The following EXD3 variants were observed in gnomAD, a reference collection of about 807,000 sequenced individuals.
The protein encoded by EXD3 is exonuclease 3'-5' domain containing 3.
A neutral mutation model predicts 98.0 loss-of-function variants in EXD3; 92 were observed. The observed-to-expected ratio is 0.94, with a 90% CI of 0.79 to 1.12. The LOEUF is 1.12. Ranked by LOEUF, EXD3 falls within the 50% of genes most tolerant of loss-of-function variation. The probability of loss-of-function intolerance (pLI) is 0.00; values close to 1 mark genes in which losing one functional copy is unlikely to be tolerated. For synonymous variants in EXD3, 569 were observed against 526.0 expected (o/e 1.08, Z -1.12); for missense variants, 1,222 against 1,191.6 (o/e 1.03, Z -0.38).
intron 1 of EXD3, among the ~76,000 whole-genome samples, chr9:137,417,475 G>A (rs1838292244): frequency 6.6e-6 from 1 of 152,140 alleles, no homozygotes; most frequent in African/African-American, 2.4e-5. Context: ...GGCGGGAGGC[G>A]GCGTGGCCAC....
At chr9:137,376,210 G>A (rs1027069006) in intron 3 of EXD3, among the ~76,000 whole-genome samples, 42 of 151,892 alleles carry the variant, frequency 2.8e-4, no homozygotes, top group Non-Finnish European at 5.6e-4. Context: ...CGGGCATGGT[G>A]GCGGGCGACT....
At chr9:137,388,532 G>T (rs1836729359) in intron 2 of EXD3, among the ~76,000 whole-genome samples, 1 of 152,176 alleles carries the variant, frequency 6.6e-6, no homozygotes, top group Non-Finnish European at 1.5e-5. Flanking sequence ...CTACCATAAA[G>T]CGGGGATGAG....
At chr9:137,392,764 G>A (rs1294284299) in intron 2 of EXD3, 2 of 365,496 alleles carry the variant, frequency 5.5e-6, no homozygotes, top group African/African-American at 4.5e-5. Flanking sequence ...GGCTGTTCCA[G>A]GGGGCACCGA....
intron 1 of EXD3, among the ~76,000 whole-genome samples, chr9:137,411,236 A>C (rs1837982714): frequency 6.6e-6 from 1 of 152,136 alleles, no homozygotes; most frequent in Non-Finnish European, 1.5e-5. Flanking sequence ...CACGCCCAGA[A>C]AGGCTCATCT....
At chr9:137,317,841 C>A (rs924487019) in intron 19 of EXD3, among the ~76,000 whole-genome samples, 9 of 152,194 alleles carry the variant, frequency 5.9e-5, no homozygotes, top group Admixed American at 4.6e-4. Context: ...GAGGGCCCGT[C>A]TTCCTCCAGA....
At chr9:137,315,331 A>G (rs1258184565) in intron 19 of EXD3, among the ~76,000 whole-genome samples, 2 of 152,214 alleles carry the variant, frequency 1.3e-5, no homozygotes, top group East Asian at 3.8e-4. Context: ...CTTGGTGTCC[A>G]GGCCTGGGGC....
At chr9:137,375,798 C>T (rs1244309312) in intron 3 of EXD3, among the ~76,000 whole-genome samples, 4 of 152,108 alleles carry the variant, frequency 2.6e-5, no homozygotes, top group African/African-American at 9.7e-5. Flanking sequence ...GACACGTGGG[C>T]CCTAGGTCAC....
In EXD3 at chr9:137,400,558, G is replaced by C. The variant is rs1837430922; in HGVS notation, c.-47-5154C>G. On this transcript the variant is annotated intron_variant, in intron 1 of 21. Coordinates refer to ENST00000340951, the MANE Select transcript of EXD3 (RefSeq NM_017820.5). ...AGGAGGGTGGATCACCTGAGGTCGG[G>C]AGTTTGAGACCAGCCTGACCAACAT... is the stretch of plus-strand genomic sequence containing the variant. Among the ~76,000 whole-genome samples the C allele has an allele frequency of 2.0e-5, 3 of 152,160 alleles. No individual in the cohort carries two copies. In the South Asian group the frequency reaches 6.2e-4, roughly 31 times the overall value.
At position 137,330,081 on chromosome 9, in the gene EXD3, C is replaced by G. The variant is rs544682989; in HGVS notation, c.1999-5938G>C. ...ACACAGGAGCTACACAGGAACTACA[C>G]AGGAGCTACACAGGGCTCCACAGGA... On this transcript the variant is annotated intron_variant, in intron 17 of 21. Coordinates refer to ENST00000340951, the MANE Select transcript of EXD3 (RefSeq NM_017820.5). 2.4e-4 allele frequency among the ~76,000 whole-genome samples: 33 copies of G among 137,028 alleles called. 1 individual carries two copies. Among genetic ancestry groups the G allele is most frequent in the Admixed American group, 5.1e-4 (7 of 13,786 alleles). 89.9% of individuals were successfully genotyped at this position (137,028 alleles called of 152,430 possible).
In EXD3 at chr9:137,309,576, C is replaced by T. The variant is rs557423909; in HGVS notation, c.2278+31G>A. The T allele has an allele frequency of 4.0e-5, 62 of 1,534,334 alleles. No homozygotes were observed. The South Asian group carries it at 6.8e-4, about 17-fold the overall frequency. On this transcript the variant is annotated intron_variant, in intron 20 of 21. Coordinates refer to ENST00000340951, the MANE Select transcript of EXD3 (RefSeq NM_017820.5). ...GTAGGTCGACCCATCCCAGGCCCCC[C>T]AGACCCAGTGCCTGACCCTGACACA...
chr9:137,337,721 T>G (rs1214161959), intron 17 of EXD3, among the ~76,000 whole-genome samples: 2 of 149,208 alleles, frequency 1.3e-5, no homozygotes, highest in African/African-American at 4.9e-5. Context: ...TGTTGGGGGG[T>G]AGGTGGAGTG....
intron 17 of EXD3, among the ~76,000 whole-genome samples, chr9:137,332,013 C>G (rs948072839): frequency 1.3e-5 from 2 of 152,008 alleles, no homozygotes; most frequent in Non-Finnish European, 2.9e-5. Context: ...CAGAACAAAC[C>G]TAGGAATGTA....
intron 1 of EXD3, among the ~76,000 whole-genome samples, chr9:137,398,562 CA>C (rs1272841773): frequency 7.3e-5 from 11 of 151,386 alleles, no homozygotes; most frequent in Non-Finnish European, 1.0e-4. Flanking sequence ...GACACACAGG[CA>C]ACCGCGTCCC....
chr9:137,312,479 C>T (rs1030476403), intron 19 of EXD3, among the ~76,000 whole-genome samples: 5 of 152,174 alleles, frequency 3.3e-5, no homozygotes, highest in African/African-American at 4.8e-5. Flanking sequence ...AGCCCGTGGG[C>T]GTGTGGCTGC....
At chr9:137,366,240 G>A in intron 7 of EXD3, 3 of 704,316 alleles carry the variant, frequency 4.3e-6, no homozygotes, top group Non-Finnish European at 7.8e-6. Context: ...CCACCACGGA[G>A]AATTATTTTC....
chr9:137,351,178 C>T (rs374728920), intron 13 of EXD3, 31 bp from the exon 14 acceptor site: 63 of 1,551,820 alleles, frequency 4.1e-5, no homozygotes, highest in South Asian at 3.2e-4. Context: ...GGGAGGGGCG[C>T]CTGCAGGCAG....
chr9:137,375,999 ACT>A (rs370058040), intron 3 of EXD3, among the ~76,000 whole-genome samples: 166 of 151,654 alleles, frequency 1.1e-3, no homozygotes, highest in African/African-American at 3.7e-3. Flanking sequence ...CTTATATTTT[ACT>A]CTCTCTTCTC....
chr9:137,323,967 G>A, intron 18 of EXD3, 111 bp from the exon 19 acceptor site: 2 of 1,527,802 alleles, frequency 1.3e-6, no homozygotes, highest in Non-Finnish European at 1.8e-6. Flanking sequence ...CCCACCAGGG[G>A]TACGGCAGAG....
chr9:137,366,605 T>A lies in EXD3; in HGVS notation c.544A>T (p.Lys182Ter). ...ACATAGCGCTCCACGAGGGCCACCTTGTCCTGGAGGAGCAGTGGGATGCTC... is the reference window on the plus strand; with the variant it reads ...ACATAGCGCTCCACGAGGGCCACCTAGTCCTGGAGGAGCAGTGGGATGCTC... ...KMSIPLLLQD[K>*]VALVERYVAG... Residue 182 changes from lysine (K) to a stop codon, truncating the protein, a stop_gained, in exon 7 of 22, where the codon AAG becomes TAG. Transcript: ENST00000340951. LOFTEE classifies it high-confidence loss of function. The A allele has an allele frequency of 6.4e-7, 1 of 1,557,634 alleles. No individual in the cohort carries two copies. Among genetic ancestry groups the A allele is most frequent in the African/African-American group, 1.4e-5 (1 of 73,450 alleles).
Sources: gnomAD v4.1 joint callset for allele counts (sites outside exome capture counted in the v4.1 genomes callset) on GRCh38, gnomAD v4.1.1 for gene constraint, MANE v1.5 for transcripts, NCBI Gene and HGNC (gene_info 2026-07-23, HGNC 2026-07-21) for gene names.